The following BRDT variants were observed in gnomAD, a reference collection of about 807,000 sequenced individuals.
The protein encoded by BRDT is bromodomain testis associated, also known as bromodomain testis-specific protein.
A neutral mutation model predicts 113.9 loss-of-function variants in BRDT; 77 were observed. The ratio of observed to expected loss-of-function variants is 0.68; its 90% confidence interval spans 0.56 to 0.82. The LOEUF (loss-of-function observed/expected upper bound fraction) is 0.82. Among genes scored for constraint, BRDT ranks in the 40% least tolerant of loss-of-function variants. The pLI, the probability that BRDT is intolerant of heterozygous loss-of-function variation, is 0.00. For synonymous variants in BRDT, 358 were observed against 366.5 expected (o/e 0.98, Z 0.26); for missense variants, 1,027 against 1,105.4 (o/e 0.93, Z 1.01).
chr1:91,975,230 T>A lies in BRDT; in HGVS notation c.446-1036T>A, dbSNP rs543045496. 9.9e-5 allele frequency among the ~76,000 whole-genome samples: 15 copies of A among 151,956 alleles called. No homozygotes were observed. In the South Asian group the frequency reaches 3.1e-3, roughly 32 times the overall value. ...CACCAACATGGCACATGTATACATATGTAACAAACCTGCACTTTGTGCACA... is the reference window on the plus strand; with the variant it reads ...CACCAACATGGCACATGTATACATAAGTAACAAACCTGCACTTTGTGCACA... On this transcript the variant is annotated intron_variant, in intron 4 of 18. Coordinates refer to ENST00000399546, the MANE Select transcript of BRDT (RefSeq NM_207189.4).
At chr1:92,003,343 A>G (rs1291871230) in intron 16 of BRDT, among the ~76,000 whole-genome samples, 2 of 152,336 alleles carry the variant, frequency 1.3e-5, no homozygotes, top group East Asian at 3.9e-4. Context: ...GCAATCAAGC[A>G]TAATTATTAA....
chr1:91,961,973 A>G (rs890360248), intron 1 of BRDT, among the ~76,000 whole-genome samples: 11 of 151,740 alleles, frequency 7.2e-5, no homozygotes, highest in Admixed American at 5.3e-4. Flanking sequence ...GTGAAACCCC[A>G]TCTCTACTAA....
chr1:91,976,223 C>T (rs763934408), intron 4 of BRDT, 43 bp from the exon 5 acceptor site: 6 of 1,504,930 alleles, frequency 4.0e-6, no homozygotes, highest in East Asian at 4.7e-5. Context: ...GTATTTTGTA[C>T]TTTATTCATT....
chr1:91,955,378 C>T (rs773458266), intron 1 of BRDT, among the ~76,000 whole-genome samples: 77 of 152,162 alleles, frequency 5.1e-4, no homozygotes, highest in African/African-American at 1.7e-3. Context: ...CGCTTGAACC[C>T]GGGAGGCAGA....
Position 91,964,056 on chromosome 1 carries a change from T to C in BRDT, c.193-571T>C, listed in dbSNP as rs1334673185. On this transcript the variant is annotated intron_variant, in intron 2 of 18. Coordinates refer to ENST00000399546, the MANE Select transcript of BRDT (RefSeq NM_207189.4). ...CTGGCTAATTTTCTGTTGTTTTTTT[T>C]TGTTGTTGTTGTTGTGTTTTTTGAG... Among the ~76,000 whole-genome samples the C allele has an allele frequency of 8.7e-5, 13 of 149,856 alleles. No individual in the cohort carries two copies. In the East Asian group the frequency reaches 2.5e-3, roughly 29 times the overall value.
intron 1 of BRDT, among the ~76,000 whole-genome samples, chr1:91,955,348 G>C (rs1681626350): frequency 6.6e-6 from 1 of 152,052 alleles, no homozygotes; most frequent in Non-Finnish European, 1.5e-5. Context: ...CAGCTACTAG[G>C]GAGGCTGAGG....
intron 1 of BRDT, among the ~76,000 whole-genome samples, chr1:91,960,384 C>T (rs1682307416): frequency 6.6e-6 from 1 of 152,196 alleles, no homozygotes; most frequent in South Asian, 2.1e-4. Flanking sequence ...AATTCTAACA[C>T]ACGCTACAAC....
At chr1:91,955,113 A>G (rs1339527123) in intron 1 of BRDT, among the ~76,000 whole-genome samples, 2 of 152,058 alleles carry the variant, frequency 1.3e-5, no homozygotes, top group East Asian at 3.9e-4. Flanking sequence ...CCTTAAATTA[A>G]CCAGCATGTT....
rs201601815 is a variant in BRDT, at chr1:91,978,212, G to A, written c.1014G>A (p.Ala338=). The part of the protein sequence containing the change: ...NQEYKDAYKF[A]ADVRLMFMNC... ...AATATAAGGATGCATACAAATTTGC[G>A]GCAGATGTTAGATTAATGTTCATGA... Residue 338 remains alanine (A), a synonymous_variant, in exon 7 of 19, where the codon GCG becomes GCA. Coordinates refer to ENST00000399546, the MANE Select transcript of BRDT (RefSeq NM_207189.4). 1.4e-5 allele frequency: 23 copies of A among 1,613,806 alleles called. No individual in the cohort carries two copies. Among genetic ancestry groups the A allele is most frequent in the African/African-American group, 2.7e-5 (2 of 75,020 alleles).
At chr1:91,972,132 A>C (rs1464364239) in intron 4 of BRDT, among the ~76,000 whole-genome samples, 1 of 152,038 alleles carries the variant, frequency 6.6e-6, no homozygotes, top group Non-Finnish European at 1.5e-5. Flanking sequence ...TCATGCTGCA[A>C]AATTTAAGTA....
chr1:92,008,872 TTA>T lies in BRDT; in HGVS notation c.2775+3581_2775+3582del, dbSNP rs1353519584. On this transcript the variant is annotated intron_variant, in intron 18 of 18. Transcript: ENST00000399546. ...AAAAATTAATTATCTTAATTGACAATTATATATATTTATGGTATACAATTATG... is the reference window on the plus strand; with the variant it reads ...AAAAATTAATTATCTTAATTGACAATTATATATTTATGGTATACAATTATG... Among the ~76,000 whole-genome samples, 8 of 152,312 alleles carry T rather than the reference TTA, an allele frequency of 5.3e-5. No individual in the cohort carries two copies. In the East Asian group the frequency reaches 1.4e-3, roughly 26 times the overall value.
Position 91,992,618 on chromosome 1 carries a change from C to T in BRDT, c.2115+304C>T, listed in dbSNP as rs575872366. Reference sequence around the variant, plus strand: ...TGGCATGATCTTCCCTCACTTCAACCTCTGCCTTTCGGGTTCAAGCGATTC... The same window carrying T: ...TGGCATGATCTTCCCTCACTTCAACTTCTGCCTTTCGGGTTCAAGCGATTC... On this transcript the variant is annotated intron_variant, in intron 14 of 18. Transcript: ENST00000399546. 1.2e-4 allele frequency among the ~76,000 whole-genome samples: 18 copies of T among 152,262 alleles called. 1 individual carries two copies. Among genetic ancestry groups the T allele is most frequent in the African/African-American group, 4.1e-4 (17 of 41,562 alleles).
At chr1:91,964,900 TGTG>T in intron 3 of BRDT, 136 bp downstream of exon 3, 2 of 476,710 alleles carry the variant, frequency 4.2e-6, no homozygotes, top group Non-Finnish European at 6.5e-6. Context: ...TGTGTGTGTG[TGTG>T]TATATAATTT....
At chr1:91,955,305 A>G (rs1681619571) in intron 1 of BRDT, among the ~76,000 whole-genome samples, 1 of 152,050 alleles carries the variant, frequency 6.6e-6, no homozygotes, top group East Asian at 1.9e-4. Flanking sequence ...TACAAAAATT[A>G]GCTGGGTGTA....
At chr1:92,001,858 A>C (rs2101796143) in intron 15 of BRDT, among the ~76,000 whole-genome samples, 191 bp from the exon 16 acceptor site, 1 of 152,348 alleles carries the variant, frequency 6.6e-6, no homozygotes, top group South Asian at 2.1e-4. Flanking sequence ...GCAAAGTGGT[A>C]ACTTTCAAAT....
rs59374349 is a variant in BRDT, at chr1:92,013,852, G to C, written c.2776-354G>C. 4.3e-3 allele frequency among the ~76,000 whole-genome samples: 659 copies of C among 152,226 alleles called. 5 individuals carry two copies. Among genetic ancestry groups the C allele is most frequent in the Middle Eastern group, 0.017 (5 of 294 alleles). ...ATTTTGTGTGTCTGGCATTATGCTG[G>C]GTTTAGAAGTAAGACAGTGTGCTCT... On this transcript the variant is annotated intron_variant, in intron 18 of 18. Transcript: ENST00000399546.
At chr1:91,984,982 C>T (rs909083076) in intron 12 of BRDT, among the ~76,000 whole-genome samples, 2 of 151,842 alleles carry the variant, frequency 1.3e-5, no homozygotes, top group African/African-American at 4.8e-5. Flanking sequence ...TATGATTTGG[C>T]CAGAACTGAA....
At chr1:91,954,064 G>A (rs112943285) in intron 1 of BRDT, among the ~76,000 whole-genome samples, 6 of 151,766 alleles carry the variant, frequency 4.0e-5, no homozygotes, top group African/African-American at 1.2e-4. Flanking sequence ...CTCCCCCTCC[G>A]GGATTCAAGC....
chr1:91,969,924 G>T lies in BRDT; in HGVS notation c.445+1664G>T, dbSNP rs1463808685. Among the ~76,000 whole-genome samples, 3 of 147,012 alleles carry T rather than the reference G, an allele frequency of 2.0e-5. No homozygotes were observed. In the East Asian group the frequency reaches 6.4e-4, roughly 31 times the overall value. Reference sequence around the variant, plus strand: ...GCTCACTGCAACCTCTGCCTTCCAGGTTCAAGTGATTCTCCTGCCTCAGCC... The same window carrying T: ...GCTCACTGCAACCTCTGCCTTCCAGTTTCAAGTGATTCTCCTGCCTCAGCC... On this transcript the variant is annotated intron_variant, in intron 4 of 18. Transcript: ENST00000399546.
Sources: gnomAD v4.1 joint callset for allele counts (sites outside exome capture counted in the v4.1 genomes callset) on GRCh38, gnomAD v4.1.1 for gene constraint, MANE v1.5 for transcripts, NCBI Gene and HGNC (gene_info 2026-07-23, HGNC 2026-07-21) for gene names.